ZNF438: variants seen among roughly 807,000 people sequenced by gnomAD.
The protein encoded by ZNF438 is zinc finger protein 438.
Under a neutral mutation model 38.0 loss-of-function variants are expected in ZNF438, and 25 were observed. The observed-to-expected ratio is 0.66, with a 90% CI of 0.48 to 0.92. The LOEUF (loss-of-function observed/expected upper bound fraction) is 0.92. Among genes scored for constraint, ZNF438 ranks in the 40% least tolerant of loss-of-function variants. The pLI, the probability that ZNF438 is intolerant of heterozygous loss-of-function variation, is 0.00. For synonymous variants in ZNF438, 372 were observed against 364.1 expected (o/e 1.02, Z -0.25); for missense variants, 1,007 against 999.6 (o/e 1.01, Z -0.10).
intron 2 of ZNF438, among the ~76,000 whole-genome samples, chr10:30,933,511 A>G (rs1016393989): frequency 6.6e-6 from 1 of 152,220 alleles, no homozygotes; most frequent in Admixed American, 6.5e-5. Context: ...CCAGTAACTC[A>G]GGAGGCTGAG....
At chr10:30,954,593 A>T (rs1485318940) in intron 1 of ZNF438, among the ~76,000 whole-genome samples, 1 of 152,142 alleles carries the variant, frequency 6.6e-6, no homozygotes, top group Non-Finnish European at 1.5e-5. Flanking sequence ...GATGATGTGC[A>T]CTTTGGACTC....
At chr10:30,854,036 T>C (rs929053438) in intron 4 of ZNF438, among the ~76,000 whole-genome samples, 4 of 150,326 alleles carry the variant, frequency 2.7e-5, no homozygotes, top group African/African-American at 9.8e-5. Flanking sequence ...GTATCACATA[T>C]AGGCCGGGCA....
At chr10:30,900,648 G>A (rs1336463808) in intron 3 of ZNF438, among the ~76,000 whole-genome samples, 3 of 152,160 alleles carry the variant, frequency 2.0e-5, no homozygotes, top group African/African-American at 4.8e-5. Context: ...GAGAGATTAA[G>A]TAACTTATTT....
chr10:30,939,270 G>C (rs2046573998), intron 2 of ZNF438, among the ~76,000 whole-genome samples: 1 of 152,136 alleles, frequency 6.6e-6, no homozygotes, highest in Middle Eastern at 3.2e-3. Flanking sequence ...CAACCTTGAG[G>C]GTTGTTTATG....
At chr10:30,907,452 T>C (rs143677216) in intron 3 of ZNF438, among the ~76,000 whole-genome samples, 119 of 152,346 alleles carry the variant, frequency 7.8e-4, no homozygotes, top group African/African-American at 2.7e-3. Flanking sequence ...AATTCTTTTC[T>C]AAATTTTTGG....
intron 4 of ZNF438, among the ~76,000 whole-genome samples, chr10:30,872,425 C>CAAAAAAAAAAAAAAA (rs566401687): frequency 1.5e-4 from 9 of 58,698 alleles, no homozygotes; most frequent in East Asian, 6.2e-4. Flanking sequence ...GACTCTGTCT[C>CAAAAAAAAAAAAAAA]AAAAAAAAAA....
chr10:30,898,643 T>C (rs979690404), intron 3 of ZNF438, among the ~76,000 whole-genome samples: 7 of 152,182 alleles, frequency 4.6e-5, no homozygotes, highest in African/African-American at 1.7e-4. Flanking sequence ...GAACGCTTAG[T>C]TAGATTCCAC....
chr10:30,913,900 A>G (rs1193331693), intron 2 of ZNF438, among the ~76,000 whole-genome samples: 1 of 152,160 alleles, frequency 6.6e-6, no homozygotes, highest in Admixed American at 6.5e-5. Context: ...ACAGGTGATG[A>G]TTCATCCAGT....
intron 1 of ZNF438, among the ~76,000 whole-genome samples, chr10:31,022,532 A>AT (rs1169282796): frequency 6.6e-6 from 1 of 152,130 alleles, no homozygotes. Flanking sequence ...AAGTGCTGGG[A>AT]TTACAGGCGT....
intron 2 of ZNF438, among the ~76,000 whole-genome samples, chr10:30,930,452 C>T (rs1017675666): frequency 3.3e-5 from 5 of 152,054 alleles, no homozygotes; most frequent in African/African-American, 4.8e-5. Flanking sequence ...CAGAGGGAGC[C>T]GGCTCTGGCC....
chr10:30,961,112 T>C (rs1199708626), intron 1 of ZNF438, among the ~76,000 whole-genome samples: 10 of 144,810 alleles, frequency 6.9e-5, no homozygotes, highest in African/African-American at 2.5e-4. Flanking sequence ...TAATCTTATC[T>C]TACCAGATTT....
chr10:30,956,795 C>T (rs1310305923), intron 1 of ZNF438, among the ~76,000 whole-genome samples: 1 of 152,078 alleles, frequency 6.6e-6, no homozygotes, highest in Non-Finnish European at 1.5e-5. Flanking sequence ...CACTAATAAA[C>T]ACTTAGGTTG....
intron 4 of ZNF438, among the ~76,000 whole-genome samples, chr10:30,850,894 A>C (rs2033493923): frequency 6.6e-6 from 1 of 152,104 alleles, no homozygotes; most frequent in Non-Finnish European, 1.5e-5. Context: ...CTTGTATCAA[A>C]CTCATTTTTC....
chr10:30,852,463 C>T (rs940871590), intron 4 of ZNF438, among the ~76,000 whole-genome samples: 6 of 152,140 alleles, frequency 3.9e-5, no homozygotes, highest in Non-Finnish European at 7.4e-5. Flanking sequence ...CCGCCTCGGC[C>T]TCCCAAAGTG....
At chr10:31,018,284 T>C (rs779268874) in intron 1 of ZNF438, among the ~76,000 whole-genome samples, 1 of 152,230 alleles carries the variant, frequency 6.6e-6, no homozygotes, top group Non-Finnish European at 1.5e-5. Flanking sequence ...CTGTATATTA[T>C]AACTAAAAAC....
At chr10:30,987,515 T>C (rs1220842781) in intron 1 of ZNF438, among the ~76,000 whole-genome samples, 2 of 152,184 alleles carry the variant, frequency 1.3e-5, no homozygotes, top group Admixed American at 1.3e-4. Flanking sequence ...AAAATAGCTA[T>C]GGACTAAACG....
At chr10:30,848,773 A>G (rs746895775) in exon 5 of ZNF438, 10 of 1,614,262 alleles carry the variant, frequency 6.2e-6, no homozygotes, top group Non-Finnish European at 8.5e-6. Context: ...CAGGACGTAC[A>G]TAGGACTTGC....
chr10:31,013,176 G>A (rs181763315), intron 1 of ZNF438, among the ~76,000 whole-genome samples: 16 of 152,106 alleles, frequency 1.1e-4, no homozygotes, highest in Non-Finnish European at 2.2e-4. Context: ...AAAATTAGCC[G>A]CGCGCGGTGG....
chr10:30,845,879 G>A (rs2031926419), intron 5 of ZNF438, among the ~76,000 whole-genome samples: 1 of 152,196 alleles, frequency 6.6e-6, no homozygotes, highest in African/African-American at 2.4e-5. Context: ...GCAATCACGT[G>A]GAAGAGTCAC....
Sources: allele counts gnomAD v4.1 joint callset (sites outside exome capture counted in the v4.1 genomes callset), GRCh38; gene constraint gnomAD v4.1.1; transcripts MANE v1.5; gene names NCBI Gene and HGNC (gene_info 2026-07-23, HGNC 2026-07-21).